Variants in GSDMA observed in about 807,000 individuals in gnomAD.
GSDMA encodes the protein gasdermin-A.
In GSDMA, 55 loss-of-function variants were observed where a neutral mutation model predicts 54.3. The observed-to-expected ratio is 1.01, with a 90% CI of 0.82 to 1.27. The LOEUF is 1.27. Among genes scored for constraint, GSDMA ranks in the 50% most tolerant of loss-of-function variants. GSDMA has a pLI of 0.00. For synonymous variants in GSDMA, 211 were observed against 224.7 expected (o/e 0.94, Z 0.54); for missense variants, 542 against 542.6 (o/e 1.00, Z 0.01).
chr17:39,974,561 A>C (rs1266928440), intron 9 of GSDMA, 134 bp downstream of exon 9: 60 of 972,208 alleles, frequency 6.2e-5, no homozygotes, highest in Non-Finnish European at 7.6e-5. Context: ...TCCACCTTAG[A>C]TACCTTCCCC....
In GSDMA at chr17:39,965,811, A is replaced by C; in HGVS notation, c.124A>C (p.Lys42Gln). Residue 42 changes from lysine (K) to glutamine (Q), a missense_variant, in exon 2 of 12, where the codon AAG becomes CAG. Coordinates refer to ENST00000301659, the MANE Select transcript of GSDMA (RefSeq NM_178171.5). ...RFHPFCLVLRKRKSTLFWGAR... is the reference protein window; with the variant it reads ...RFHPFCLVLRQRKSTLFWGAR... Reference sequence around the variant, plus strand: ...CCATCCCTTCTGCCTGGTGCTGAGGAAGAGGAAGAGCACGCTCTTCTGGGG... The same window carrying C: ...CCATCCCTTCTGCCTGGTGCTGAGGCAGAGGAAGAGCACGCTCTTCTGGGG... 6.3e-7 allele frequency: 1 copy of C among 1,598,244 alleles called. No homozygotes were observed. Among genetic ancestry groups the C allele is most frequent in the South Asian group, 1.1e-5 (1 of 88,402 alleles).
At chr17:39,974,053 A>T (rs1272258048) in intron 8 of GSDMA, among the ~76,000 whole-genome samples, 2 of 152,200 alleles carry the variant, frequency 1.3e-5, no homozygotes, top group South Asian at 4.1e-4. Flanking sequence ...TAGATGATAC[A>T]TGCATCCTGG....
chr17:39,965,281 GGAAGGAAA>G (rs1979591252), intron 1 of GSDMA, among the ~76,000 whole-genome samples: 14 of 135,396 alleles, frequency 1.0e-4, no homozygotes, highest in South Asian at 4.8e-4. Flanking sequence ...AAGGAAGGAA[GGAAGGAAA>G]GAAAGAAAGA....
intron 1 of GSDMA, among the ~76,000 whole-genome samples, chr17:39,965,253 G>GGAGA (rs1979586767): frequency 7.8e-6 from 1 of 128,238 alleles, no homozygotes; most frequent in Non-Finnish European, 1.7e-5. Context: ...AGAAAGGGAG[G>GGAGA]GAGGGAGAGA....
intron 1 of GSDMA, among the ~76,000 whole-genome samples, chr17:39,963,761 G>A (rs573340175): frequency 4.1e-4 from 63 of 152,304 alleles, no homozygotes; most frequent in African/African-American, 1.5e-3. Context: ...GACTGAGGCA[G>A]GAGAATCACT....
chr17:39,967,357 A>G (rs1233493529), intron 3 of GSDMA, among the ~76,000 whole-genome samples: 1 of 152,176 alleles, frequency 6.6e-6, no homozygotes, highest in Non-Finnish European at 1.5e-5. Context: ...TTGAAAGATG[A>G]GCAGAAATTG....
At chr17:39,965,934 T>C (rs1218452902) in intron 2 of GSDMA, 33 bp downstream of exon 2, 1 of 1,538,394 alleles carries the variant, frequency 6.5e-7, no homozygotes, top group East Asian at 2.4e-5. Flanking sequence ...AACTGAGGGA[T>C]ACTGAGGGAC....
intron 2 of GSDMA, 50 bp from the exon 3 acceptor site, chr17:39,966,210 A>T (rs1481353805): frequency 1.3e-6 from 2 of 1,589,014 alleles, no homozygotes; most frequent in Non-Finnish European, 1.7e-6. Context: ...TACAGGCATG[A>T]GTTACTGCAC....
At chr17:39,976,050 T>C (rs1445422780) in intron 11 of GSDMA, 53 bp downstream of exon 11, 16 of 1,372,372 alleles carry the variant, frequency 1.2e-5, no homozygotes, top group Non-Finnish European at 1.6e-5. Flanking sequence ...CTGCAGCCAG[T>C]GGAGATGCAG....
At position 39,974,299 on chromosome 17, in the gene GSDMA, C is replaced by T; in HGVS notation, c.778C>T (p.Leu260=). ...VGDVHEGFRT[L]KEEVQRETQQ... The stretch of plus-strand genomic sequence containing the variant: ...GGACGTACACGAAGGCTTCAGGACA[C>T]TAAAAGAAGAAGTTCAGAGAGAGAC... The change falls in exon 9 of 12, where the codon CTA becomes TTA. Residue 260 remains leucine (L), a synonymous_variant. Coordinates refer to ENST00000301659, the MANE Select transcript of GSDMA (RefSeq NM_178171.5). 2 of 1,611,592 alleles carry T rather than the reference C, an allele frequency of 1.2e-6. No individual in the cohort carries two copies. Among genetic ancestry groups the T allele is most frequent in the Non-Finnish European group, 1.7e-6 (2 of 1,178,990 alleles).
intron 3 of GSDMA, 118 bp downstream of exon 3, chr17:39,966,555 C>A: frequency 1.1e-6 from 1 of 935,862 alleles, no homozygotes. Context: ...CCAATGTGGT[C>A]ATGACAGGGG....
chr17:39,972,549 GT>G lies in GSDMA; in HGVS notation c.704-34del, dbSNP rs755298232. 7.5e-6 allele frequency: 12 copies of G among 1,607,856 alleles called. No individual in the cohort carries two copies. The South Asian group carries it at 1.2e-4, about 16-fold the overall frequency. Reference sequence around the variant, plus strand: ...GTTTTAGATGAAAAGGCAAAAATGGGTTTTGTGCTGACAGATGTGCATTTTT... The same window carrying G: ...GTTTTAGATGAAAAGGCAAAAATGGGTTTGTGCTGACAGATGTGCATTTTT... On this transcript the variant is annotated intron_variant, in intron 6 of 11. Transcript: ENST00000301659.
At position 39,965,373 on chromosome 17, in the gene GSDMA, G is replaced by A. The variant is rs544049290; in HGVS notation, c.-5-310G>A. 26 of 317,924 alleles carry A rather than the reference G, an allele frequency of 8.2e-5. No homozygotes were observed. In the East Asian group the frequency reaches 8.4e-4, roughly 10 times the overall value. 19.7% of individuals were successfully genotyped at this position (317,924 alleles called of 1,614,324 possible). On this transcript the variant is annotated intron_variant, in intron 1 of 11. Transcript: ENST00000301659. ...AAAAGAAGTGCTCCAGCTGGGCTCCGTGGCAGTGAAGAAAATGAGCGTGGA... is the reference window on the plus strand; with the variant it reads ...AAAAGAAGTGCTCCAGCTGGGCTCCATGGCAGTGAAGAAAATGAGCGTGGA...
At chr17:39,969,571 G>A (rs1043729230) in intron 3 of GSDMA, among the ~76,000 whole-genome samples, 3 of 152,188 alleles carry the variant, frequency 2.0e-5, no homozygotes, top group African/African-American at 4.8e-5. Flanking sequence ...AGAAGCCAGC[G>A]TTGCACGGAG....
At chr17:39,963,235 A>T (rs1343194957) in intron 1 of GSDMA, 150 bp downstream of exon 1, 1 of 152,258 alleles carries the variant, frequency 6.6e-6, no homozygotes, top group African/African-American at 2.4e-5. Context: ...AGGCCTGTGG[A>T]CATCTCTCTG....
Position 39,977,159 on chromosome 17 carries a change from C to T in GSDMA, c.*101C>T, listed in dbSNP as rs555102689. The stretch of plus-strand genomic sequence containing the variant: ...GCATTTCAGAGCCATCAGCTGAAGA[C>T]ATCTGAAATCTCAGCTGGTCACCCA... On this transcript the variant is annotated 3_prime_UTR_variant, in exon 12 of 12. Coordinates refer to ENST00000301659, the MANE Select transcript of GSDMA (RefSeq NM_178171.5). 1.6e-4 allele frequency: 214 copies of T among 1,378,892 alleles called. No homozygotes were observed. The highest frequency in any genetic ancestry group is 1.2e-3 in the Admixed American group (62 of 49,942). 85.4% of individuals were successfully genotyped at this position (1,378,892 alleles called of 1,614,324 possible).
chr17:39,969,969 A>ACAC (rs34076738), intron 3 of GSDMA, among the ~76,000 whole-genome samples: 110,281 of 151,688 alleles, frequency 0.73, 40,687 homozygotes, highest in East Asian at 0.88. Flanking sequence ...AGGATTAGGG[A>ACAC]GTTTATATAT....
At position 39,965,777 on chromosome 17, in the gene GSDMA, C is replaced by T; in HGVS notation, c.90C>T (p.Phe30=). Residue 30 remains phenylalanine (F), a synonymous_variant, in exon 2 of 12, where the codon TTC becomes TTT. Transcript: ENST00000301659. ...CACCACTTGACAGCCTCATCGACTT[C>T]AAGCGCTTCCATCCCTTCTGCCTGG... is the stretch of plus-strand genomic sequence containing the variant. ...DLTPLDSLID[F]KRFHPFCLVL... is the part of the protein sequence containing the mutation. 2 of 1,610,010 alleles carry T rather than the reference C, an allele frequency of 1.2e-6. No individual in the cohort carries two copies. The highest frequency in any genetic ancestry group is 8.5e-7 in the Non-Finnish European group (1 of 1,178,176).
Position 39,970,588 on chromosome 17 carries a change from C to T in GSDMA, c.499C>T (p.Arg167Ter), listed in dbSNP as rs199621529. Residue 167 changes from arginine (R) to a stop codon, truncating the protein, a stop_gained, in exon 4 of 12, where the codon CGA (arginine) becomes TGA (stop). Transcript: ENST00000301659. LOFTEE classifies it high-confidence loss of function. ...GACGGTGCAGGAGGTCACACTGGAG[C>T]GAGCCGGCAAGGCAGAGGCCTGCTT... ...VETVQEVTLE[R>*]AGKAEACFSL... 27 of 1,602,528 alleles carry T rather than the reference C, an allele frequency of 1.7e-5. No individual in the cohort carries two copies. Among genetic ancestry groups the T allele is most frequent in the Middle Eastern group, 1.7e-4 (1 of 6,014 alleles).
Sources: allele counts gnomAD v4.1 joint callset (sites outside exome capture counted in the v4.1 genomes callset), GRCh38; gene constraint gnomAD v4.1.1; transcripts MANE v1.5; gene names NCBI Gene and HGNC (gene_info 2026-07-23, HGNC 2026-07-21).